The following CNTNAP2 variants were observed in gnomAD, a reference collection of about 807,000 sequenced individuals.
CNTNAP2 encodes contactin-associated protein-like 2.
Under a neutral mutation model 155.2 loss-of-function variants are expected in CNTNAP2, and 98 were observed. The observed-to-expected ratio is 0.63, with a 90% CI of 0.54 to 0.75. The LOEUF (loss-of-function observed/expected upper bound fraction) is 0.75. CNTNAP2 is among the 30% of genes least tolerant of loss of function. The pLI is 0.00. For synonymous variants in CNTNAP2, 651 were observed against 631.2 expected, an observed-to-expected ratio of 1.03 and a Z score of -0.47; for missense variants, 1,727 against 1,688.1, an observed-to-expected ratio of 1.02 and a Z score of -0.40.
intron 1 of CNTNAP2, among the ~76,000 whole-genome samples, chr7:146,704,347 A>G (rs1381783092): frequency 3.3e-5 from 5 of 152,130 alleles, no homozygotes; most frequent in African/African-American, 1.2e-4. Flanking sequence ...AATAAGAGAA[A>G]GTTTTAGTTA....
rs149247832 is a variant in CNTNAP2 at position 147,301,033 on chromosome 7, C to T, written c.1498+743C>T. On this transcript the variant is annotated intron_variant, in intron 9 of 23. Transcript: ENST00000361727. Reference sequence around the variant, plus strand: ...ATCCCATCACTACTATTATTTTCAACCTGTGGGAAGTGAGTCACTAAATCC... The same window carrying T: ...ATCCCATCACTACTATTATTTTCAATCTGTGGGAAGTGAGTCACTAAATCC... Among the ~76,000 whole-genome samples, 440 of 152,128 alleles carry T rather than the reference C, an allele frequency of 2.9e-3. 5 individuals carry two copies. The highest frequency in any genetic ancestry group is 0.01 in the African/African-American group (418 of 41,486).
chr7:147,352,193 A>G (rs1334700410), intron 9 of CNTNAP2, among the ~76,000 whole-genome samples: 1 of 151,968 alleles, frequency 6.6e-6, no homozygotes, highest in African/African-American at 2.4e-5. Context: ...AATTTATAAC[A>G]TAATGTTAGT....
At chr7:146,298,758 G>C (rs564396279) in intron 1 of CNTNAP2, among the ~76,000 whole-genome samples, 1 of 152,312 alleles carries the variant, frequency 6.6e-6, no homozygotes, top group African/African-American at 2.4e-5. Flanking sequence ...GACAGCTCTG[G>C]TCCAGCACTG....
chr7:146,293,903 C>T (rs1310806713), intron 1 of CNTNAP2, among the ~76,000 whole-genome samples: 1 of 151,974 alleles, frequency 6.6e-6, no homozygotes, highest in African/African-American at 2.4e-5. Context: ...CTTTTCTCTA[C>T]TCATTTAAAA....
At chr7:147,748,104 T>G (rs1360335952) in intron 13 of CNTNAP2, among the ~76,000 whole-genome samples, 4 of 152,240 alleles carry the variant, frequency 2.6e-5, no homozygotes, top group Non-Finnish European at 5.9e-5. Flanking sequence ...TCATTTATCT[T>G]GCAGAGTGCA....
intron 3 of CNTNAP2, among the ~76,000 whole-genome samples, chr7:146,927,454 T>C (rs1481941663): frequency 6.6e-6 from 1 of 152,096 alleles, no homozygotes; most frequent in Non-Finnish European, 1.5e-5. Flanking sequence ...GATATTTCCC[T>C]TGAAAAACTT....
At chr7:146,825,794 G>A (rs1054866408) in intron 2 of CNTNAP2, among the ~76,000 whole-genome samples, 2 of 152,006 alleles carry the variant, frequency 1.3e-5, no homozygotes, top group Non-Finnish European at 2.9e-5. Flanking sequence ...CAAAATCATT[G>A]TATAGACAGT....
intron 3 of CNTNAP2, among the ~76,000 whole-genome samples, chr7:147,000,296 T>C (rs922029376): frequency 7.9e-5 from 12 of 152,106 alleles, no homozygotes; most frequent in African/African-American, 2.9e-4. Context: ...TGTTTTTCTG[T>C]ATTTTTTTGA....
At chr7:146,442,012 T>C (rs527505007) in intron 1 of CNTNAP2, among the ~76,000 whole-genome samples, 2 of 151,792 alleles carry the variant, frequency 1.3e-5, no homozygotes, top group Admixed American at 6.5e-5. Context: ...CTGTCATTAT[T>C]TACTCTTCTG....
intron 1 of CNTNAP2, among the ~76,000 whole-genome samples, chr7:146,592,436 G>A (rs1022197017): frequency 3.3e-5 from 5 of 152,182 alleles, no homozygotes; most frequent in African/African-American, 1.2e-4. Flanking sequence ...CTGCTTTCCT[G>A]CCTGCTCCAG....
rs1800686081 is a variant in CNTNAP2 at position 147,939,892 on chromosome 7, G to A, written c.2255+36171G>A. The A allele has an allele frequency of 3.3e-5, 5 of 152,082 alleles. No homozygotes were observed. In the South Asian group the frequency reaches 8.3e-4, roughly 25 times the overall value. 9.4% of individuals were successfully genotyped at this position (152,082 alleles called of 1,614,324 possible). ...CTTTTTTCCCCACTTGGGTCTGAGA[G>A]TTGTTCAGTTTAACCTGAGTTGCCA... On this transcript the variant is annotated intron_variant, in intron 14 of 23. Transcript: ENST00000361727.
intron 3 of CNTNAP2, among the ~76,000 whole-genome samples, chr7:146,985,710 T>A (rs1307089714): frequency 6.6e-6 from 1 of 152,098 alleles, no homozygotes; most frequent in African/African-American, 2.4e-5. Context: ...AGTCGATAAG[T>A]TTTTCACAAA....
chr7:146,328,114 C>T (rs559721590), intron 1 of CNTNAP2, among the ~76,000 whole-genome samples: 2 of 152,316 alleles, frequency 1.3e-5, no homozygotes, highest in East Asian at 1.9e-4. Flanking sequence ...GCACTGCTGC[C>T]TGAGCTCAGC....
chr7:148,081,966 GT>G (rs111515692), intron 15 of CNTNAP2, among the ~76,000 whole-genome samples: 2,718 of 151,922 alleles, frequency 0.018, 100 homozygotes, highest in African/African-American at 0.063. Context: ...TTGTTTGCTT[GT>G]TTTTTTTAAT....
intron 15 of CNTNAP2, among the ~76,000 whole-genome samples, chr7:148,061,232 G>A (rs1474833125): frequency 1.3e-5 from 2 of 152,312 alleles, no homozygotes; most frequent in East Asian, 3.9e-4. Flanking sequence ...CTGTTAGAAA[G>A]AGAATAATCA....
chr7:147,754,943 T>C (rs1159683632), intron 13 of CNTNAP2, among the ~76,000 whole-genome samples: 1 of 152,224 alleles, frequency 6.6e-6, no homozygotes, highest in African/African-American at 2.4e-5. Context: ...AAACACTGTT[T>C]AGGCATAAAC....
chr7:147,488,271 G>A (rs1438630516), intron 11 of CNTNAP2, among the ~76,000 whole-genome samples: 4 of 152,200 alleles, frequency 2.6e-5, no homozygotes, highest in East Asian at 1.9e-4. Context: ...CAAGAAGAAC[G>A]AAGTGCGAAG....
At chr7:146,801,110 C>G (rs531768759) in intron 2 of CNTNAP2, among the ~76,000 whole-genome samples, 6 of 152,178 alleles carry the variant, frequency 3.9e-5, no homozygotes, top group African/African-American at 1.2e-4. Flanking sequence ...TCTGGTGGAG[C>G]CTTAGGAAGT....
chr7:147,630,746 G>A (rs1584867696), intron 12 of CNTNAP2, among the ~76,000 whole-genome samples: 1 of 152,136 alleles, frequency 6.6e-6, no homozygotes. Flanking sequence ...AATAGATGCA[G>A]AAAAAGCATT....
Sources: gnomAD v4.1 joint callset for allele counts (sites outside exome capture counted in the v4.1 genomes callset) on GRCh38, gnomAD v4.1.1 for gene constraint, MANE v1.5 for transcripts, NCBI Gene and HGNC (gene_info 2026-07-23, HGNC 2026-07-21) for gene names.